ETNK1: variants seen among roughly 807,000 people sequenced by gnomAD.
The protein encoded by ETNK1 is ethanolamine kinase 1.
Under a neutral mutation model 45.1 loss-of-function variants are expected in ETNK1, and 8 were observed. That is an observed-to-expected ratio of 0.18 (90% CI 0.10 to 0.32). The LOEUF is 0.32. Ranked by LOEUF, ETNK1 falls within the 10% of genes least tolerant of loss-of-function variation. The probability of loss-of-function intolerance (pLI) is 1.00; values close to 1 mark genes in which losing one functional copy is unlikely to be tolerated. For missense variants in ETNK1, 302 were observed against 430.6 expected, an observed-to-expected ratio of 0.70 and a Z score of 2.64; for synonymous variants, 152 against 151.9, an observed-to-expected ratio of 1.00 and a Z score of -0.01.
In ETNK1 at chr12:22,625,297, C is replaced by A; in HGVS notation, c.-134C>A. The A allele has an allele frequency of 1.2e-6, 2 of 1,607,264 alleles. No homozygotes were observed. Among genetic ancestry groups the A allele is most frequent in the Non-Finnish European group, 1.7e-6 (2 of 1,177,700 alleles). On this transcript the variant is annotated 5_prime_UTR_variant, in exon 1 of 8. Transcript: ENST00000266517. ...TCCAGACGTTCTCCTGCCGCTCGCC[C>A]GCCCGTCCCAGCGCCCCCAGCCCTC... is the stretch of plus-strand genomic sequence containing the variant.
chr12:22,641,670 T>C (rs553173557), intron 1 of ETNK1, among the ~76,000 whole-genome samples: 2 of 152,306 alleles, frequency 1.3e-5, no homozygotes, highest in South Asian at 4.1e-4. Context: ...GAAAAAAGGT[T>C]AAATTACTTA....
chr12:22,657,951 A>G (rs986982219), intron 2 of ETNK1, among the ~76,000 whole-genome samples: 8 of 152,240 alleles, frequency 5.3e-5, no homozygotes, highest in Non-Finnish European at 8.8e-5. Context: ...ATACAATACT[A>G]GATTCTCTGT....
intron 1 of ETNK1, among the ~76,000 whole-genome samples, chr12:22,628,550 T>C (rs1367333578): frequency 6.6e-6 from 1 of 152,126 alleles, no homozygotes; most frequent in Admixed American, 6.5e-5. Flanking sequence ...TACTTTTCTT[T>C]GGAGAGTCAT....
chr12:22,673,996 T>G (rs1040744335), intron 6 of ETNK1, among the ~76,000 whole-genome samples: 2 of 152,184 alleles, frequency 1.3e-5, no homozygotes, highest in Non-Finnish European at 2.9e-5. Context: ...TACATCAAAG[T>G]CAAATTTTAC....
At chr12:22,631,401 C>T (rs775962514) in intron 1 of ETNK1, among the ~76,000 whole-genome samples, 1 of 152,026 alleles carries the variant, frequency 6.6e-6, no homozygotes, top group Non-Finnish European at 1.5e-5. Context: ...TCTCAAACTC[C>T]CGACCTCAGG....
intron 2 of ETNK1, among the ~76,000 whole-genome samples, chr12:22,644,890 C>T (rs1260721000): frequency 1.3e-5 from 2 of 151,728 alleles, no homozygotes; most frequent in Non-Finnish European, 3.0e-5. Flanking sequence ...TTCGGATGGC[C>T]CGGGGCTCCC....
intron 1 of ETNK1, among the ~76,000 whole-genome samples, chr12:22,637,905 C>T (rs1265779158): frequency 1.3e-5 from 2 of 152,042 alleles, no homozygotes; most frequent in East Asian, 1.9e-4. Flanking sequence ...TAAGAAAGCT[C>T]AGTCTTATAA....
At chr12:22,641,550 AC>A (rs1176308332) in intron 1 of ETNK1, among the ~76,000 whole-genome samples, 1 of 152,180 alleles carries the variant, frequency 6.6e-6, no homozygotes, top group Non-Finnish European at 1.5e-5. Context: ...GTTCAGCATG[AC>A]TTCAAGGCCT....
chr12:22,644,007 A>C lies in ETNK1; in HGVS notation c.401A>C (p.Asn134Thr), dbSNP rs777625762. ...GCACTGGATCCAAAGCATGTCTGCA[A>C]CCCAGCCATTTTCAGGTACATTTTC... ...GEALDPKHVC[N>T]PAIFRLIARQ... Residue 134 changes from asparagine to threonine, a missense_variant, in exon 2 of 8, where the codon AAC (asparagine) becomes ACC (threonine). By Grantham distance (65) the Asn-to-Thr change is moderately conservative. Coordinates refer to ENST00000266517, the MANE Select transcript of ETNK1 (RefSeq NM_018638.5). 1 of 1,592,186 alleles carries C rather than the reference A, an allele frequency of 6.3e-7. No individual in the cohort carries two copies. The highest frequency in any genetic ancestry group is 8.6e-7 in the Non-Finnish European group (1 of 1,166,234).
rs577928128 is a variant in ETNK1, at chr12:22,639,443, G to A, written c.157-4320G>A. ...TGTAATCCTAGCACTTTGGGAGGCC[G>A]AGGCGGGTGGATCACCTGAGATCAG... On this transcript the variant is annotated intron_variant, in intron 1 of 7. Coordinates refer to ENST00000266517, the MANE Select transcript of ETNK1 (RefSeq NM_018638.5). Among the ~76,000 whole-genome samples the A allele has an allele frequency of 8.5e-5, 13 of 152,182 alleles. 1 individual carries two copies. In the East Asian group the frequency reaches 2.1e-3, roughly 25 times the overall value.
rs950360746 is a variant in ETNK1 at position 22,687,480 on chromosome 12, A to G, written c.*2526A>G. 6.6e-6 allele frequency: 1 copy of G among 152,272 alleles called. No individual in the cohort carries two copies. The highest frequency in any genetic ancestry group is 2.4e-5 in the African/African-American group (1 of 41,420). The allele number at this position is 152,272 out of a possible 1,614,324, so 9.4% of individuals were successfully genotyped here. On this transcript the variant is annotated 3_prime_UTR_variant, in exon 8 of 8. Coordinates refer to ENST00000266517, the MANE Select transcript of ETNK1 (RefSeq NM_018638.5). ...AAGAAGTGGCATTCATGTATATTCA[A>G]TGTTAGTCAATAGACCATAGTGGCC...
intron 2 of ETNK1, among the ~76,000 whole-genome samples, chr12:22,656,256 A>AAT (rs1004510472): frequency 6.6e-6 from 1 of 152,168 alleles, no homozygotes; most frequent in Non-Finnish European, 1.5e-5. Context: ...TTCATCTTGA[A>AAT]ATATATATTT....
intron 3 of ETNK1, among the ~76,000 whole-genome samples, chr12:22,659,764 A>G (rs145496645): frequency 1.1e-4 from 17 of 152,268 alleles, no homozygotes; most frequent in African/African-American, 3.6e-4. Flanking sequence ...ATTGTTATTC[A>G]AAGAAGGTTA....
chr12:22,646,266 A>G (rs1953805901), intron 2 of ETNK1, among the ~76,000 whole-genome samples: 1 of 151,874 alleles, frequency 6.6e-6, no homozygotes, highest in African/African-American at 2.4e-5. Context: ...GGGAAAGGCA[A>G]GTTTTGATTA....
intron 4 of ETNK1, among the ~76,000 whole-genome samples, chr12:22,667,836 T>C (rs1565446555): frequency 6.6e-6 from 1 of 152,182 alleles, no homozygotes; most frequent in African/African-American, 2.4e-5. Flanking sequence ...ATTATTATTT[T>C]TTAGTTTTAA....
At position 22,634,592 on chromosome 12, in the gene ETNK1, A is replaced by G. The variant is rs553426378; in HGVS notation, c.156+9006A>G. 6.7e-4 allele frequency among the ~76,000 whole-genome samples: 102 copies of G among 152,284 alleles called. 3 individuals carry two copies. In the South Asian group the frequency reaches 0.013, roughly 20 times the overall value. ...TTATCAACTGTATTAATCTTTTCAA[A>G]GAACAATTTTTGTTTGTTTTGAGGC... On this transcript the variant is annotated intron_variant, in intron 1 of 7. Coordinates refer to ENST00000266517, the MANE Select transcript of ETNK1 (RefSeq NM_018638.5).
chr12:22,657,034 T>G (rs971888114), intron 2 of ETNK1, among the ~76,000 whole-genome samples: 1 of 152,182 alleles, frequency 6.6e-6, no homozygotes, highest in African/African-American at 2.4e-5. Flanking sequence ...TGTACATGCA[T>G]GCATTTGCAC....
chr12:22,665,299 A>G (rs918588635), intron 4 of ETNK1, among the ~76,000 whole-genome samples: 4 of 152,200 alleles, frequency 2.6e-5, no homozygotes, highest in Admixed American at 6.6e-5. Flanking sequence ...ATGACCAATT[A>G]CAAAATAATT....
In ETNK1 at chr12:22,661,126, T is replaced by G. The variant is rs757914471; in HGVS notation, c.621T>G (p.Ile207Met). The G allele has an allele frequency of 6.2e-7, 1 of 1,612,814 alleles. No homozygotes were observed. The highest frequency in any genetic ancestry group is 8.5e-7 in the Non-Finnish European group (1 of 1,179,538). Residue 207 changes from isoleucine (I) to methionine (M), a missense_variant, in exon 4 of 8, where the codon ATT becomes ATG. This residue lies in a region of ETNK1 where 205 missense variants were observed against 259.9 expected (regional missense o/e 0.79). Transcript: ENST00000266517. ...LQEEMTWMKE[I>M]LSNLGSPVVL... ...AAGAGATGACTTGGATGAAGGAGAT[T>G]CTTTCCAACCTGGGCTCACCTGTTG...
Sources: allele counts gnomAD v4.1 joint callset (sites outside exome capture counted in the v4.1 genomes callset), GRCh38; gene constraint gnomAD v4.1.1; regional missense constraint gnomAD v4.1.1; transcripts MANE v1.5; gene names NCBI Gene and HGNC (gene_info 2026-07-23, HGNC 2026-07-21).